Variants in DAB1 observed in about 807,000 individuals in gnomAD.
DAB1 encodes the protein DAB adaptor protein 1.
DAB1 carries 15 observed loss-of-function variants against 64.6 expected under a neutral mutation model. The observed-to-expected ratio is 0.23, with a 90% CI of 0.16 to 0.36. The LOEUF is 0.36. DAB1 is among the 10% of genes least tolerant of loss of function. The pLI is 1.00. For synonymous variants in DAB1, 235 were observed against 251.9 expected (o/e 0.93, Z 0.64); for missense variants, 596 against 706.7 (o/e 0.84, Z 1.78).
chr1:57,609,083 C>G (rs1570671007), intron 7 of DAB1, among the ~76,000 whole-genome samples: 1 of 152,156 alleles, frequency 6.6e-6, no homozygotes, highest in African/African-American at 2.4e-5. Context: ...TTATATCAAA[C>G]CTATTTATAC....
intron 5 of DAB1, among the ~76,000 whole-genome samples, chr1:57,997,102 T>G (rs1024369222): frequency 2.6e-5 from 4 of 152,090 alleles, no homozygotes; most frequent in African/African-American, 7.2e-5. Flanking sequence ...AAAAAACACC[T>G]GAATCTGGTG....
At chr1:57,931,989 A>C (rs749439239) in intron 5 of DAB1, among the ~76,000 whole-genome samples, 1 of 152,088 alleles carries the variant, frequency 6.6e-6, no homozygotes, top group Non-Finnish European at 1.5e-5. Context: ...TCAATGCTAC[A>C]AATTTCCCTC....
chr1:57,674,626 C>T lies in DAB1; in HGVS notation n.552-24961G>A, dbSNP rs532173744. Among the ~76,000 whole-genome samples, 22 of 152,256 alleles carry T rather than the reference C, an allele frequency of 1.4e-4. 1 individual carries two copies. In the South Asian group the frequency reaches 4.6e-3, roughly 32 times the overall value. ...CAGTCTTGCCTGGTCCAGGAGTCAG[C>T]CTAATTCTGGGATTTCATCAAAGGG... On this transcript the variant is annotated intron_variant and non_coding_transcript_variant, in intron 6 of 20. Transcript: ENST00000485760.
At chr1:58,500,902 T>C (rs963889010) in intron 3 of DAB1, among the ~76,000 whole-genome samples, 1 of 152,132 alleles carries the variant, frequency 6.6e-6, no homozygotes, top group Non-Finnish European at 1.5e-5. Context: ...ACAATCTTCA[T>C]AGAAAAAAGT....
intron 3 of DAB1, among the ~76,000 whole-genome samples, chr1:58,346,855 A>G (rs1035339266): frequency 6.6e-6 from 1 of 152,246 alleles, no homozygotes; most frequent in African/African-American, 2.4e-5. Context: ...CTGTGGCCAC[A>G]CTGGCGAAGC....
At chr1:57,164,223 T>G (rs958931182) in intron 2 of DAB1, among the ~76,000 whole-genome samples, 6 of 152,170 alleles carry the variant, frequency 3.9e-5, no homozygotes, top group Non-Finnish European at 7.4e-5. Flanking sequence ...TTGAACTATG[T>G]CAATGCTGAA....
intron 3 of DAB1, among the ~76,000 whole-genome samples, chr1:58,437,479 C>T (rs1414801263): frequency 6.6e-6 from 1 of 152,122 alleles, no homozygotes; most frequent in Non-Finnish European, 1.5e-5. Flanking sequence ...TCTAACCATG[C>T]TGCGGAATAT....
chr1:58,326,687 G>C (rs1454545930), intron 4 of DAB1, among the ~76,000 whole-genome samples: 1 of 152,194 alleles, frequency 6.6e-6, no homozygotes, highest in Non-Finnish European at 1.5e-5. Flanking sequence ...TTGAGGTAAT[G>C]TCACTGTTCA....
At chr1:58,212,052 G>C (rs982299782) in intron 4 of DAB1, among the ~76,000 whole-genome samples, 4 of 152,110 alleles carry the variant, frequency 2.6e-5, no homozygotes, top group African/African-American at 4.8e-5. Flanking sequence ...TCACCTCACT[G>C]TGTGGCTCAA....
intron 6 of DAB1, among the ~76,000 whole-genome samples, chr1:57,816,527 A>C (rs929624589): frequency 7.2e-5 from 11 of 152,210 alleles, no homozygotes; most frequent in African/African-American, 2.4e-4. Flanking sequence ...GACTCCTGAA[A>C]TTTTTGATGA....
intron 5 of DAB1, among the ~76,000 whole-genome samples, chr1:58,104,466 A>G (rs989887952): frequency 1.6e-4 from 25 of 152,290 alleles, no homozygotes; most frequent in African/African-American, 5.8e-4. Context: ...AAATATAGTA[A>G]TCAACACTTG....
At chr1:57,549,236 G>C (rs1644888314) in intron 7 of DAB1, among the ~76,000 whole-genome samples, 1 of 152,134 alleles carries the variant, frequency 6.6e-6, no homozygotes, top group Non-Finnish European at 1.5e-5. Context: ...AGAGCCTGTT[G>C]TGTGATCTGC....
At chr1:57,491,396 C>G (rs571978930) in intron 7 of DAB1, among the ~76,000 whole-genome samples, 1 of 151,972 alleles carries the variant, frequency 6.6e-6, no homozygotes, top group Non-Finnish European at 1.5e-5. Context: ...CCACTGCACT[C>G]TAGCCTGGGT....
At chr1:57,125,762 G>A (rs1195764338) in intron 4 of DAB1, among the ~76,000 whole-genome samples, 1 of 152,110 alleles carries the variant, frequency 6.6e-6, no homozygotes, top group East Asian at 1.9e-4. Context: ...GGACAGACGT[G>A]GCTGGAATAA....
At chr1:57,314,016 CTG>C (rs1349275438) in intron 1 of DAB1, among the ~76,000 whole-genome samples, 2 of 152,178 alleles carry the variant, frequency 1.3e-5, no homozygotes, top group African/African-American at 4.8e-5. Flanking sequence ...AAGTAAATTT[CTG>C]TTATTTACAA....
At chr1:58,274,472 C>T (rs2100431659) in intron 4 of DAB1, among the ~76,000 whole-genome samples, 1 of 138,816 alleles carries the variant, frequency 7.2e-6, no homozygotes, top group East Asian at 2.2e-4. Context: ...TGTCTGTGCC[C>T]TGCCCCCAGA....
chr1:57,295,689 G>A (rs1389230106), intron 1 of DAB1, among the ~76,000 whole-genome samples: 1 of 152,106 alleles, frequency 6.6e-6, no homozygotes, highest in African/African-American at 2.4e-5. Context: ...AGATAACATG[G>A]AAGTTGTTTT....
chr1:57,881,795 T>C (rs749863302), intron 1 of DAB1, among the ~76,000 whole-genome samples: 11 of 152,180 alleles, frequency 7.2e-5, no homozygotes, highest in Non-Finnish European at 1.0e-4. Flanking sequence ...CAATATCACA[T>C]TGGGCCCCTG....
chr1:57,670,218 G>T (rs1646494778), intron 6 of DAB1, among the ~76,000 whole-genome samples: 2 of 152,110 alleles, frequency 1.3e-5, no homozygotes, highest in Non-Finnish European at 2.9e-5. Context: ...CAATAATGTT[G>T]TTAGGTAGAT....
Sources: gnomAD v4.1 joint callset for allele counts (sites outside exome capture counted in the v4.1 genomes callset) on GRCh38, gnomAD v4.1.1 for gene constraint, MANE v1.5 for transcripts, NCBI Gene and HGNC (gene_info 2026-07-23, HGNC 2026-07-21) for gene names.